Variants in ADCY5 observed in about 807,000 individuals in gnomAD.
The protein encoded by ADCY5 is adenylate cyclase type 5.
Under a neutral mutation model 119.7 loss-of-function variants are expected in ADCY5, and 30 were observed. The ratio of observed to expected loss-of-function variants is 0.25; its 90% CI spans 0.19 to 0.34. The LOEUF (loss-of-function observed/expected upper bound fraction) is 0.34, where lower values mean the gene tolerates loss of function less well. ADCY5 is among the 10% of genes least tolerant of loss of function. The probability of loss-of-function intolerance (pLI) is 1.00; values close to 1 mark genes in which losing one functional copy is unlikely to be tolerated. For missense variants in ADCY5, 1,324 were observed against 1,775.2 expected (o/e 0.75, Z 4.57); for synonymous variants, 753 against 762.2 (o/e 0.99, Z 0.20).
At chr3:123,411,572 C>T (rs1945048015) in intron 1 of ADCY5, among the ~76,000 whole-genome samples, 1 of 152,184 alleles carries the variant, frequency 6.6e-6, no homozygotes, top group African/African-American at 2.4e-5. Context: ...TATCTTTCTC[C>T]TTCCCCTGCC....
chr3:123,359,459 C>T (rs72626337), intron 1 of ADCY5, among the ~76,000 whole-genome samples: 36 of 150,782 alleles, frequency 2.4e-4, no homozygotes, highest in Admixed American at 7.3e-4. Flanking sequence ...TGCCCTCCCC[C>T]AGTCGTGACA....
intron 6 of ADCY5, 60 bp from the exon 7 acceptor site, chr3:123,327,819 C>T: frequency 1.9e-6 from 3 of 1,589,624 alleles, no homozygotes; most frequent in South Asian, 2.3e-5. Flanking sequence ...TAATGTCAGC[C>T]CCCGTGAAAA....
At chr3:123,393,564 T>TAATAAAATAAAATAAAATAAAATAAAA (rs113863106) in intron 1 of ADCY5, among the ~76,000 whole-genome samples, 3 of 143,436 alleles carry the variant, frequency 2.1e-5, no homozygotes, top group African/African-American at 8.1e-5. Flanking sequence ...TTCTAAAAAA[T>TAATAAAATAAAATAAAATAAAATAAAA]TAAAATAAAA....
At chr3:123,436,026 G>A (rs1348529678) in intron 1 of ADCY5, among the ~76,000 whole-genome samples, 2 of 151,066 alleles carry the variant, frequency 1.3e-5, no homozygotes, top group Non-Finnish European at 3.0e-5. Flanking sequence ...AAGTAGCTGG[G>A]ACTACAGGTG....
At chr3:123,385,865 G>A (rs1169304238) in intron 1 of ADCY5, among the ~76,000 whole-genome samples, 33 of 152,106 alleles carry the variant, frequency 2.2e-4, no homozygotes, top group Admixed American at 2.2e-3. Context: ...CTTCTTTCGT[G>A]GACAGGCTGA....
At position 123,443,955 on chromosome 3, in the gene ADCY5, C is replaced by T. The variant is rs561851793; in HGVS notation, c.1134+3457G>A. Among the ~76,000 whole-genome samples, 7 of 152,308 alleles carry T rather than the reference C, an allele frequency of 4.6e-5. No homozygotes were observed. In the East Asian group the frequency reaches 1.3e-3, roughly 29 times the overall value. Reference sequence around the variant, plus strand: ...AATCTCCTGGAGTGCAAATGACCACCCCACCCCACAGGGCACAACGATACC... The same window carrying T: ...AATCTCCTGGAGTGCAAATGACCACTCCACCCCACAGGGCACAACGATACC... On this transcript the variant is annotated intron_variant, in intron 1 of 20. Transcript: ENST00000462833.
intron 1 of ADCY5, among the ~76,000 whole-genome samples, chr3:123,362,478 C>T (rs138945602): frequency 2.3e-4 from 35 of 152,318 alleles, no homozygotes; most frequent in African/African-American, 8.2e-4. Context: ...AGAGAAGTGG[C>T]CACATTGTAC....
chr3:123,303,868 G>GAA lies in ADCY5; in HGVS notation c.2559+197_2559+198dup, dbSNP rs1164451420. On this transcript the variant is annotated intron_variant, in intron 13 of 20. Transcript: ENST00000462833. ...GAAGAGAAGAGAAGAGAAGAGAAGA[G>GAA]AAGAGAAGAGAAGAGAAGAGAAGAG... 1.9e-4 allele frequency among the ~76,000 whole-genome samples: 27 copies of GAA among 138,472 alleles called. 1 individual carries two copies. Among genetic ancestry groups the GAA allele is most frequent in the African/African-American group, 7.0e-4 (22 of 31,526 alleles). The allele number at this position is 138,472 out of a possible 152,430, so 90.8% of individuals were successfully genotyped here.
At chr3:123,341,061 G>A (rs945845290) in intron 3 of ADCY5, among the ~76,000 whole-genome samples, 1 of 152,000 alleles carries the variant, frequency 6.6e-6, no homozygotes, top group Non-Finnish European at 1.5e-5. Context: ...GGAGGCAGAG[G>A]TTGCAGTGAG....
At chr3:123,358,298 C>T (rs1378632447) in intron 1 of ADCY5, among the ~76,000 whole-genome samples, 1 of 151,998 alleles carries the variant, frequency 6.6e-6, no homozygotes, top group Admixed American at 6.6e-5. Flanking sequence ...CCTGGAGTAG[C>T]CTCAGCATCT....
At chr3:123,351,354 G>A (rs73186471) in intron 2 of ADCY5, among the ~76,000 whole-genome samples, 70 of 152,314 alleles carry the variant, frequency 4.6e-4, no homozygotes, top group Non-Finnish European at 6.6e-4. Context: ...CATGTGCTCC[G>A]TGCCAGCCTG....
intron 3 of ADCY5, among the ~76,000 whole-genome samples, chr3:123,335,665 CCT>C (rs1190539556): frequency 1.3e-5 from 2 of 152,116 alleles, no homozygotes; most frequent in Non-Finnish European, 2.9e-5. Context: ...ACAGGACCCC[CCT>C]GAGAGGGGTC....
intron 1 of ADCY5, among the ~76,000 whole-genome samples, chr3:123,383,868 CACAA>C (rs1213433346): frequency 4.3e-4 from 66 of 151,882 alleles, no homozygotes; most frequent in African/African-American, 1.2e-3. Context: ...CACACACACA[CACAA>C]ACACACACAC....
At chr3:123,291,528 T>G in intron 17 of ADCY5, 152 bp from the exon 18 acceptor site, 1 of 909,844 alleles carries the variant, frequency 1.1e-6, no homozygotes. Flanking sequence ...CTGTCTCTCC[T>G]CCTCTCTCTG....
At chr3:123,403,263 T>A (rs948384938) in intron 1 of ADCY5, among the ~76,000 whole-genome samples, 3 of 151,522 alleles carry the variant, frequency 2.0e-5, no homozygotes, top group Non-Finnish European at 4.4e-5. Context: ...ATCTGTGGTC[T>A]CAGCTACCTA....
chr3:123,329,738 C>CCCACGCCAT (rs2108396372), intron 5 of ADCY5, among the ~76,000 whole-genome samples: 1 of 152,320 alleles, frequency 6.6e-6, no homozygotes, highest in South Asian at 2.1e-4. Context: ...CTGACCCCAT[C>CCCACGCCAT]CCACGCCATC....
At chr3:123,438,444 T>C (rs1434108178) in intron 1 of ADCY5, among the ~76,000 whole-genome samples, 1 of 152,210 alleles carries the variant, frequency 6.6e-6, no homozygotes, top group African/African-American at 2.4e-5. Flanking sequence ...AAATATTCAC[T>C]GGAAAATTCC....
intron 11 of ADCY5, 131 bp downstream of exon 11, chr3:123,317,889 G>T: frequency 1.2e-6 from 1 of 818,090 alleles, no homozygotes; most frequent in African/African-American, 1.7e-5. Context: ...GGCACACTCA[G>T]AAACTTCTCT....
At chr3:123,360,637 C>A (rs1281614400) in intron 1 of ADCY5, among the ~76,000 whole-genome samples, 1 of 152,112 alleles carries the variant, frequency 6.6e-6, no homozygotes, top group African/African-American at 2.4e-5. Flanking sequence ...CTGAAAAAAA[C>A]CAACCTATAA....
Sources: gnomAD v4.1 joint callset for allele counts (sites outside exome capture counted in the v4.1 genomes callset) on GRCh38, gnomAD v4.1.1 for gene constraint, MANE v1.5 for transcripts, NCBI Gene and HGNC (gene_info 2026-07-23, HGNC 2026-07-21) for gene names.